The following RAD9B variants were observed in gnomAD, a reference collection of about 807,000 sequenced individuals.
RAD9B encodes RAD9 checkpoint clamp component B.
Under a neutral mutation model 48.3 loss-of-function variants are expected in RAD9B, and 41 were observed. The ratio of observed to expected loss-of-function variants is 0.85; its 90% CI spans 0.66 to 1.10. The LOEUF (loss-of-function observed/expected upper bound fraction) is 1.10, where lower values mean the gene tolerates loss of function less well. RAD9B is among the 50% of genes least tolerant of loss of function. RAD9B has a pLI of 0.00. For missense variants in RAD9B, 444 were observed against 485.1 expected (o/e 0.92, Z 0.80); for synonymous variants, 160 against 157.9 (o/e 1.01, Z -0.10).
chr12:110,518,565 G>C (rs56379265), intron 6 of RAD9B, 111 bp from the exon 7 acceptor site: 8 of 616,250 alleles, frequency 1.3e-5, no homozygotes, highest in Non-Finnish European at 2.2e-5. Context: ...GTTAGGGTAC[G>C]TAGGGCAGGA....
chr12:110,512,193 C>G (rs892327331), intron 4 of RAD9B, among the ~76,000 whole-genome samples: 12 of 139,682 alleles, frequency 8.6e-5, no homozygotes, highest in Non-Finnish European at 1.4e-4. Context: ...GTCACCCAGG[C>G]TGGAGTGTAC....
At chr12:110,503,127 C>T (rs966961261) in intron 1 of RAD9B, 9 of 152,414 alleles carry the variant, frequency 5.9e-5, no homozygotes, top group Non-Finnish European at 1.2e-4. Flanking sequence ...CGCCTGTAAT[C>T]CCAAGCTACT....
At chr12:110,507,357 A>G (rs900956375) in intron 4 of RAD9B, among the ~76,000 whole-genome samples, 4 of 145,016 alleles carry the variant, frequency 2.8e-5, no homozygotes, top group Non-Finnish European at 4.5e-5. Context: ...TTATATATAT[A>G]ATATGTATTA....
intron 10 of RAD9B, among the ~76,000 whole-genome samples, chr12:110,530,143 C>T (rs559255454): frequency 7.2e-5 from 11 of 152,140 alleles, no homozygotes; most frequent in South Asian, 6.2e-4. Flanking sequence ...CCCGGGTTCA[C>T]GCCATTCTCC....
At chr12:110,511,529 C>A (rs1338996433) in intron 4 of RAD9B, 1 of 447,426 alleles carries the variant, frequency 2.2e-6, no homozygotes, top group South Asian at 1.6e-5. Flanking sequence ...AAAAGTTGAT[C>A]TCATGGAGGT....
intron 8 of RAD9B, among the ~76,000 whole-genome samples, chr12:110,519,170 C>G (rs2063697542): frequency 6.6e-6 from 1 of 152,178 alleles, no homozygotes; most frequent in Admixed American, 6.5e-5. Flanking sequence ...GTGGCATGAT[C>G]TCGGCTTACT....
At chr12:110,525,607 T>G (rs1290335508) in intron 10 of RAD9B, among the ~76,000 whole-genome samples, 1 of 152,174 alleles carries the variant, frequency 6.6e-6, no homozygotes, top group East Asian at 1.9e-4. Flanking sequence ...ATTGGTGGTG[T>G]TAATTTCCAT....
Position 110,513,848 on chromosome 12 carries a change from C to T in RAD9B, c.488+970C>T, listed in dbSNP as rs372912840. Among the ~76,000 whole-genome samples the T allele has an allele frequency of 5.9e-5, 9 of 151,876 alleles. No individual in the cohort carries two copies. The East Asian group carries it at 1.2e-3, about 20-fold the overall frequency. On this transcript the variant is annotated intron_variant, in intron 5 of 10. Coordinates refer to ENST00000409300, the MANE Select transcript of RAD9B (RefSeq NM_001286535.2). ...AAACAATTCTTGTGCCTCAGCTTCC[C>T]GAGTAGCTGGGACTACTAGTGCAAG...
intron 6 of RAD9B, 115 bp downstream of exon 6, chr12:110,515,271 G>A (rs2063573268): frequency 1.7e-6 from 1 of 604,524 alleles, no homozygotes; most frequent in Non-Finnish European, 2.9e-6. Flanking sequence ...AAAGCAGTAA[G>A]ATGTAGAAAG....
Position 110,531,799 on chromosome 12 carries a change from C to T in RAD9B, c.*1146C>T. The T allele has an allele frequency of 1.7e-6, 1 of 589,060 alleles. No homozygotes were observed. The highest frequency in any genetic ancestry group is 2.2e-5 in the South Asian group (1 of 45,496). 36.5% of individuals were successfully genotyped at this position (589,060 alleles called of 1,614,324 possible). ...ATGTAATGTCTTATGATGTGTGCCT[C>T]TCCCTCCCCCAAACCTGTTTACAGT... On this transcript the variant is annotated 3_prime_UTR_variant, in exon 11 of 11. Transcript: ENST00000409300.
rs2064118061 is a variant in RAD9B, at chr12:110,530,825, T to C, written c.*172T>C. The stretch of plus-strand genomic sequence containing the variant: ...AACAACCATATCTAGAAATAGCTGT[T>C]TGTCAAGTGTATGTAACTTGCTTTA... On this transcript the variant is annotated 3_prime_UTR_variant, in exon 11 of 11. Coordinates refer to ENST00000409300, the MANE Select transcript of RAD9B (RefSeq NM_001286535.2). 1 of 1,396,620 alleles carries C rather than the reference T, an allele frequency of 7.2e-7. No homozygotes were observed. The highest frequency in any genetic ancestry group is 9.3e-7 in the Non-Finnish European group (1 of 1,075,486). 86.5% of individuals were successfully genotyped at this position (1,396,620 alleles called of 1,614,324 possible).
intron 5 of RAD9B, 91 bp from the exon 6 acceptor site, chr12:110,514,950 ATTATTTATT>A: frequency 2.9e-6 from 2 of 696,582 alleles, no homozygotes; most frequent in Non-Finnish European, 4.6e-6. Flanking sequence ...AGGCCAAGTA[ATTATTTATT>A]TCCAGATTAG....
Position 110,531,844 on chromosome 12 carries a change from G to T in RAD9B, c.*1191G>T. On this transcript the variant is annotated 3_prime_UTR_variant, in exon 11 of 11. Transcript: ENST00000409300. ...TACAGTCAATTATAACCTGACAAAC[G>T]AGACTTTTGTAACATATTATTGTTA... 1.9e-6 allele frequency: 1 copy of T among 515,678 alleles called. No homozygotes were observed. The highest frequency in any genetic ancestry group is 3.4e-6 in the Non-Finnish European group (1 of 294,066). 31.9% of individuals were successfully genotyped at this position (515,678 alleles called of 1,614,324 possible).
At chr12:110,526,778 G>C (rs1294533007) in intron 10 of RAD9B, among the ~76,000 whole-genome samples, 1 of 151,894 alleles carries the variant, frequency 6.6e-6, no homozygotes, top group Non-Finnish European at 1.5e-5. Context: ...GTGTGGTGGC[G>C]GGCGCCTGTA....
At chr12:110,504,281 C>G (rs2063195012) in intron 2 of RAD9B, among the ~76,000 whole-genome samples, 1 of 151,632 alleles carries the variant, frequency 6.6e-6, no homozygotes, top group Admixed American at 6.6e-5. Flanking sequence ...CTAGCCTGGT[C>G]CACATGGTGA....
rs747043378 is a variant in RAD9B, at chr12:110,522,207, A to G, written c.921A>G (p.Lys307=). ...RSDLIEKKAG[K]NVTGQALECI... is the part of the protein sequence containing the mutation. The stretch of plus-strand genomic sequence containing the variant: ...ATCTGATTGAAAAAAAGGCTGGCAA[A>G]AATGTAACTGGCCAGGCCCTGGAAT... Residue 307 remains lysine (K), a synonymous_variant, in exon 10 of 11, where the codon AAA becomes AAG. Coordinates refer to ENST00000409300, the MANE Select transcript of RAD9B (RefSeq NM_001286535.2). 2 of 1,597,164 alleles carry G rather than the reference A, an allele frequency of 1.3e-6. No individual in the cohort carries two copies. The highest frequency in any genetic ancestry group is 2.3e-5 in the South Asian group (2 of 88,130).
At chr12:110,509,939 T>A (rs1308249130) in intron 4 of RAD9B, among the ~76,000 whole-genome samples, 1 of 152,224 alleles carries the variant, frequency 6.6e-6, no homozygotes, top group African/African-American at 2.4e-5. Flanking sequence ...ATCTATTACC[T>A]ATTCCACCAA....
At chr12:110,529,146 CTATT>C (rs776503836) in intron 10 of RAD9B, among the ~76,000 whole-genome samples, 2 of 151,458 alleles carry the variant, frequency 1.3e-5, no homozygotes, top group Non-Finnish European at 2.9e-5. Context: ...TGAGGTTAGG[CTATT>C]TGTTTGTTTG....
At chr12:110,503,685 T>G in intron 1 of RAD9B, 121 bp from the exon 2 acceptor site, 1 of 713,596 alleles carries the variant, frequency 1.4e-6, no homozygotes, top group Non-Finnish European at 2.5e-6. Flanking sequence ...GTAGCATTAG[T>G]CTGTAAGATA....
Sources: gnomAD v4.1 joint callset for allele counts (sites outside exome capture counted in the v4.1 genomes callset) on GRCh38, gnomAD v4.1.1 for gene constraint, MANE v1.5 for transcripts, NCBI Gene and HGNC (gene_info 2026-07-23, HGNC 2026-07-21) for gene names.